Variants in KAZN observed in about 807,000 individuals in gnomAD.
KAZN encodes kazrin, periplakin interacting protein.
A neutral mutation model predicts 87.4 loss-of-function variants in KAZN; 40 were observed. That is an observed-to-expected ratio of 0.46 (90% CI 0.36 to 0.60). The LOEUF is 0.60. Ranked by LOEUF, KAZN falls within the 20% of genes least tolerant of loss-of-function variation. The probability of loss-of-function intolerance (pLI) is 0.00; values close to 1 mark genes in which losing one functional copy is unlikely to be tolerated. For missense variants in KAZN, 898 were observed against 1,073.9 expected, an observed-to-expected ratio of 0.84 and a Z score of 2.29; for synonymous variants, 466 against 458.3, an observed-to-expected ratio of 1.02 and a Z score of -0.22.
At chr1:14,419,975 C>G (rs1292129289) in intron 2 of KAZN, among the ~76,000 whole-genome samples, 3 of 152,206 alleles carry the variant, frequency 2.0e-5, no homozygotes, top group Non-Finnish European at 2.9e-5. Context: ...GGGATTGCCA[C>G]TCCCGGCTCC....
intron 1 of KAZN, among the ~76,000 whole-genome samples, chr1:14,136,227 TG>T (rs1295712291): frequency 6.6e-6 from 1 of 152,084 alleles, no homozygotes; most frequent in Non-Finnish European, 1.5e-5. Context: ...TGCAGAGTTT[TG>T]GGGAGCCCCG....
intron 2 of KAZN, among the ~76,000 whole-genome samples, chr1:14,251,521 AAG>A (rs1240452005): frequency 6.6e-6 from 1 of 152,098 alleles, no homozygotes; most frequent in African/African-American, 2.4e-5. Flanking sequence ...GGAGGGAGGA[AAG>A]AGAGACTTCT....
Position 15,112,460 on chromosome 1 carries a change from A to T in KAZN, c.2082A>T (p.Gly694=), listed in dbSNP as rs1330676756. ...GCATCCGGGAGGCTGAGCGTTTTGG[A>T]ACGCCCCCTGGCAGGGCCTCCAGCG... ...STGIREAERF[G]TPPGRASSVT... Residue 694 remains glycine, a synonymous_variant, in exon 14 of 15, where the codon GGA becomes GGT. Coordinates refer to ENST00000376030, the MANE Select transcript of KAZN (RefSeq NM_201628.3). The T allele has an allele frequency of 6.2e-7, 1 of 1,606,590 alleles. No homozygotes were observed. Among genetic ancestry groups the T allele is most frequent in the Admixed American group, 1.7e-5 (1 of 58,918 alleles).
At chr1:14,102,079 G>A (rs1347259584) in intron 1 of KAZN, among the ~76,000 whole-genome samples, 2 of 151,858 alleles carry the variant, frequency 1.3e-5, no homozygotes, top group Admixed American at 6.6e-5. Context: ...ATTATCAAGT[G>A]GGATATTATT....
intron 2 of KAZN, among the ~76,000 whole-genome samples, chr1:14,966,300 A>C (rs565955846): frequency 1.3e-5 from 2 of 152,182 alleles, no homozygotes; most frequent in East Asian, 3.9e-4. Context: ...TGTTTTAATG[A>C]GAAGTAGCTG....
chr1:14,702,420 A>G (rs1641982904), intron 1 of KAZN, among the ~76,000 whole-genome samples: 1 of 149,882 alleles, frequency 6.7e-6, no homozygotes, highest in East Asian at 2.0e-4. Flanking sequence ...AAGAGGTTTT[A>G]TGGCTTTAGC....
intron 1 of KAZN, among the ~76,000 whole-genome samples, chr1:14,644,304 G>T (rs1474956283): frequency 6.6e-6 from 1 of 150,440 alleles, no homozygotes; most frequent in East Asian, 2.0e-4. Flanking sequence ...GAGCCACCAC[G>T]CCCGCCTGCC....
chr1:13,947,415 A>ACCTCCCACCTGGTC (rs1641187358), intron 1 of KAZN, among the ~76,000 whole-genome samples: 1 of 151,564 alleles, frequency 6.6e-6, no homozygotes, highest in South Asian at 2.1e-4. Context: ...TGATCCAATC[A>ACCTCCCACCTGGTC]CCTCCCACCT....
chr1:14,853,601 C>A (rs564347418), intron 1 of KAZN, among the ~76,000 whole-genome samples: 2 of 152,270 alleles, frequency 1.3e-5, no homozygotes, highest in Non-Finnish European at 2.9e-5. Context: ...GAAGAACATT[C>A]CAGACGGATG....
intron 2 of KAZN, among the ~76,000 whole-genome samples, chr1:14,968,172 G>A (rs1235805763): frequency 6.6e-6 from 1 of 151,948 alleles, no homozygotes; most frequent in Non-Finnish European, 1.5e-5. Context: ...GTCCCATCTA[G>A]GGGTGACGGG....
At chr1:15,062,998 T>C (rs1638923022) in intron 6 of KAZN, 1 of 153,042 alleles carries the variant, frequency 6.5e-6, no homozygotes, top group Non-Finnish European at 1.5e-5. Context: ...CAGCCCCCAA[T>C]TGGAGCTGTA....
At chr1:14,119,639 A>G (rs979056398) in intron 1 of KAZN, among the ~76,000 whole-genome samples, 1 of 152,150 alleles carries the variant, frequency 6.6e-6, no homozygotes, top group Admixed American at 6.6e-5. Flanking sequence ...AGATGGATTA[A>G]CTCTTTAGCT....
chr1:14,090,500 A>C (rs778516443), intron 1 of KAZN, among the ~76,000 whole-genome samples: 43 of 151,572 alleles, frequency 2.8e-4, no homozygotes, highest in Non-Finnish European at 4.4e-4. Context: ...TATAGCTTCC[A>C]TTTCTCTCCA....
chr1:13,918,419 C>G (rs1410139855), intron 1 of KAZN, among the ~76,000 whole-genome samples: 1 of 152,170 alleles, frequency 6.6e-6, no homozygotes, highest in Non-Finnish European at 1.5e-5. Flanking sequence ...TTATTGCAGT[C>G]TCATGATAAA....
intron 1 of KAZN, among the ~76,000 whole-genome samples, chr1:14,757,145 C>G (rs914660608): frequency 6.6e-6 from 1 of 152,250 alleles, no homozygotes; most frequent in African/African-American, 2.4e-5. Context: ...ACTTAAACAT[C>G]ACCTAGCCTT....
chr1:14,199,084 G>T (rs1172547681), intron 2 of KAZN, among the ~76,000 whole-genome samples: 1 of 152,200 alleles, frequency 6.6e-6, no homozygotes, highest in Admixed American at 6.5e-5. Context: ...CATTAAAAAT[G>T]ATTCCTGTAT....
In KAZN at chr1:14,043,294, A is replaced by G. The variant is rs140281014; in HGVS notation, c.92-137141A>G. Among the ~76,000 whole-genome samples the G allele has an allele frequency of 4.6e-3, 708 of 152,294 alleles. 4 individuals are homozygous for G. The highest frequency in any genetic ancestry group is 0.016 in the African/African-American group (677 of 41,554). ...GATATTCCATTGTATATATAGACCA[A>G]TTATGCTTGTATATATAGACCAATT... On this transcript the variant is annotated intron_variant, in intron 1 of 16. Coordinates refer to the KAZN transcript ENST00000636203.
At chr1:14,480,049 G>C (rs751946166) in intron 2 of KAZN, among the ~76,000 whole-genome samples, 2 of 152,202 alleles carry the variant, frequency 1.3e-5, no homozygotes, top group Non-Finnish European at 2.9e-5. Flanking sequence ...TAAAAATCCT[G>C]ACATGACTTG....
At chr1:14,149,094 TC>T (rs1645415905) in intron 1 of KAZN, among the ~76,000 whole-genome samples, 15 of 90,396 alleles carry the variant, frequency 1.7e-4, no homozygotes, top group Non-Finnish European at 1.7e-4. Context: ...TTCCTTCCTT[TC>T]TTTCTTTCCT....
Sources: allele counts gnomAD v4.1 joint callset (sites outside exome capture counted in the v4.1 genomes callset), GRCh38; gene constraint gnomAD v4.1.1; transcripts MANE v1.5; gene names NCBI Gene and HGNC (gene_info 2026-07-23, HGNC 2026-07-21).